SDK1: variants seen among roughly 807,000 people sequenced by gnomAD.
SDK1 encodes the protein protein sidekick-1.
In SDK1, 157 loss-of-function variants were observed where a neutral mutation model predicts 245.5. The observed-to-expected ratio is 0.64, with a 90% CI of 0.56 to 0.73. The LOEUF (loss-of-function observed/expected upper bound fraction) is 0.73. Among genes scored for constraint, SDK1 ranks in the 30% least tolerant of loss-of-function variants. SDK1 has a pLI of 0.00. For synonymous variants in SDK1, 1,647 were observed against 1,278.5 expected (o/e 1.29, Z -6.15); for missense variants, 3,583 against 3,002.3 (o/e 1.19, Z -4.52).
intron 1 of SDK1, among the ~76,000 whole-genome samples, chr7:3,499,653 G>A (rs776894884): frequency 7.2e-5 from 11 of 152,144 alleles, no homozygotes; most frequent in Middle Eastern, 3.2e-3. Context: ...TATACCCATC[G>A]CTGTGTAAGG....
chr7:3,927,063 G>A (rs375266354), intron 5 of SDK1, among the ~76,000 whole-genome samples: 4 of 152,114 alleles, frequency 2.6e-5, no homozygotes, highest in South Asian at 2.1e-4. Context: ...GTGGGGTTCC[G>A]TTATTTCCTG....
At chr7:3,355,938 G>C (rs1431079139) in intron 1 of SDK1, among the ~76,000 whole-genome samples, 1 of 152,094 alleles carries the variant, frequency 6.6e-6, no homozygotes, top group African/African-American at 2.4e-5. Flanking sequence ...TCATGTTCCA[G>C]CATTCATGGT....
At position 3,516,284 on chromosome 7, in the gene SDK1, A is replaced by G. The variant is rs141660003; in HGVS notation, c.299-102796A>G. 5.3e-5 allele frequency among the ~76,000 whole-genome samples: 8 copies of G among 152,098 alleles called. No homozygotes were observed. In the East Asian group the frequency reaches 1.2e-3, roughly 22 times the overall value. On this transcript the variant is annotated intron_variant, in intron 1 of 44. Transcript: ENST00000404826. Reference sequence around the variant, plus strand: ...TCAATTTATAATACACATATATACTATGTTTACTTATACATGCAGCTGTAG... The same window carrying G: ...TCAATTTATAATACACATATATACTGTGTTTACTTATACATGCAGCTGTAG...
chr7:3,344,513 G>C (rs1265694359), intron 1 of SDK1, among the ~76,000 whole-genome samples: 1 of 152,148 alleles, frequency 6.6e-6, no homozygotes, highest in South Asian at 2.1e-4. Flanking sequence ...TGATATGGAA[G>C]CTTAAAAGAA....
intron 44 of SDK1, among the ~76,000 whole-genome samples, chr7:4,249,921 G>T (rs898818197): frequency 1.3e-5 from 2 of 152,196 alleles, no homozygotes; most frequent in Non-Finnish European, 2.9e-5. Context: ...ACACAATTCA[G>T]TGGGTTTCAG....
chr7:3,774,679 C>T (rs1406223634), intron 4 of SDK1, among the ~76,000 whole-genome samples: 2 of 152,190 alleles, frequency 1.3e-5, no homozygotes, highest in African/African-American at 2.4e-5. Flanking sequence ...TCTCTCTCCT[C>T]TGCCATCTTC....
intron 19 of SDK1, among the ~76,000 whole-genome samples, chr7:4,067,555 A>T (rs1428234625): frequency 6.6e-6 from 1 of 152,222 alleles, no homozygotes; most frequent in Non-Finnish European, 1.5e-5. Flanking sequence ...TAATCAGATT[A>T]GATCAAGGAG....
intron 4 of SDK1, among the ~76,000 whole-genome samples, chr7:3,768,110 G>A (rs17133795): frequency 6.6e-6 from 1 of 152,210 alleles, no homozygotes; most frequent in Non-Finnish European, 1.5e-5. Context: ...GATTGTCTTA[G>A]GGATGGTCAT....
At chr7:4,171,614 G>C (rs1312218234) in intron 32 of SDK1, among the ~76,000 whole-genome samples, 3 of 152,244 alleles carry the variant, frequency 2.0e-5, no homozygotes, top group Admixed American at 6.5e-5. Flanking sequence ...GAGTAGAGAG[G>C]CTGGAGCAGA....
chr7:4,264,974 A>C, intron 44 of SDK1, 150 bp from the exon 45 acceptor site: 1 of 1,149,056 alleles, frequency 8.7e-7, no homozygotes, highest in Non-Finnish European at 1.1e-6. Flanking sequence ...GGAGGGTGGG[A>C]GGGCCTGGCA....
At chr7:4,181,785 C>T (rs1373707313) in intron 35 of SDK1, among the ~76,000 whole-genome samples, 1 of 152,224 alleles carries the variant, frequency 6.6e-6, no homozygotes, top group Non-Finnish European at 1.5e-5. Flanking sequence ...CGTGGCCACA[C>T]TGCACTGCTC....
chr7:3,412,516 A>C (rs1397647667), intron 1 of SDK1, among the ~76,000 whole-genome samples: 2 of 152,154 alleles, frequency 1.3e-5, no homozygotes, highest in African/African-American at 4.8e-5. Context: ...AATTTATTTA[A>C]CCAGTCTCTT....
chr7:3,836,258 A>G (rs1000655313), intron 5 of SDK1, among the ~76,000 whole-genome samples: 1 of 152,226 alleles, frequency 6.6e-6, no homozygotes, highest in African/African-American at 2.4e-5. Context: ...TTAGTTCTGC[A>G]TCTCCAAGCC....
rs764901872 is a variant in SDK1 at position 3,829,590 on chromosome 7, A to G, written c.847+8007A>G. 7.2e-5 allele frequency among the ~76,000 whole-genome samples: 11 copies of G among 152,166 alleles called. 1 individual carries two copies. Among genetic ancestry groups the G allele is most frequent in the Admixed American group, 1.3e-4 (2 of 15,278 alleles). The stretch of plus-strand genomic sequence containing the variant: ...CCCTCCCAAAACCCTCGTTTCTCCA[A>G]TGAAAGCAGAACAACATATACCATG... On this transcript the variant is annotated intron_variant, in intron 5 of 44. Coordinates refer to ENST00000404826, the MANE Select transcript of SDK1 (RefSeq NM_152744.4).
intron 17 of SDK1, among the ~76,000 whole-genome samples, chr7:4,048,871 C>T (rs766693825): frequency 3.3e-5 from 5 of 152,182 alleles, no homozygotes; most frequent in Non-Finnish European, 7.3e-5. Context: ...AGAAATTTAA[C>T]CTCCAACAGC....
intron 7 of SDK1, among the ~76,000 whole-genome samples, chr7:3,957,113 C>T (rs1191190463): frequency 1.3e-5 from 2 of 152,230 alleles, no homozygotes; most frequent in Admixed American, 1.3e-4. Context: ...CTTTCTGTAA[C>T]GTTCTTGAAA....
chr7:3,866,396 A>G (rs1219541135), intron 5 of SDK1, among the ~76,000 whole-genome samples: 1 of 152,188 alleles, frequency 6.6e-6, no homozygotes, highest in East Asian at 1.9e-4. Flanking sequence ...TGATCATTCC[A>G]GAGAGTGATC....
At chr7:3,714,064 G>C (rs1030277165) in intron 4 of SDK1, among the ~76,000 whole-genome samples, 1 of 152,196 alleles carries the variant, frequency 6.6e-6, no homozygotes, top group East Asian at 1.9e-4. Context: ...GCAGCAAGTC[G>C]TGAGCCGGCT....
At chr7:3,461,929 A>G (rs780707853) in intron 1 of SDK1, among the ~76,000 whole-genome samples, 1 of 152,150 alleles carries the variant, frequency 6.6e-6, no homozygotes, top group African/African-American at 2.4e-5. Flanking sequence ...GCTCTTAACC[A>G]GATCAGTTTC....
Sources: allele counts gnomAD v4.1 joint callset (sites outside exome capture counted in the v4.1 genomes callset), GRCh38; gene constraint gnomAD v4.1.1; transcripts MANE v1.5; gene names NCBI Gene and HGNC (gene_info 2026-07-23, HGNC 2026-07-21).